The following OLFM1 variants were observed in gnomAD, a reference collection of about 807,000 sequenced individuals.
OLFM1 encodes the protein noelin.
A neutral mutation model predicts 49.7 loss-of-function variants in OLFM1; 9 were observed. The observed-to-expected ratio is 0.18, with a 90% CI of 0.11 to 0.32. The LOEUF (loss-of-function observed/expected upper bound fraction) is 0.32, where lower values mean the gene tolerates loss of function less well. OLFM1 is among the 10% of genes least tolerant of loss of function. The pLI is 1.00. For synonymous variants in OLFM1, 240 were observed against 271.8 expected, an observed-to-expected ratio of 0.88 and a Z score of 1.15; for missense variants, 369 against 661.8, an observed-to-expected ratio of 0.56 and a Z score of 4.85.
chr9:135,095,959 G>C lies in OLFM1; in HGVS notation c.396G>C (p.Leu132=). The change falls in exon 3 of 6, where the codon CTG becomes CTC. Residue 132 remains leucine, a synonymous_variant. Coordinates refer to ENST00000371793, the MANE Select transcript of OLFM1 (RefSeq NM_001282611.2). The part of the protein sequence containing the change: ...VEKMENQMKG[L]ESKFKQVEES... ...AGATGGAGAACCAAATGAAAGGACT[G>C]GAGTCCAAGTTCAAACAGGTGGAGG... The C allele has an allele frequency of 6.2e-7, 1 of 1,600,578 alleles. No individual in the cohort carries two copies. Among genetic ancestry groups the C allele is most frequent in the Non-Finnish European group, 8.5e-7 (1 of 1,175,026 alleles).
intron 1 of OLFM1, among the ~76,000 whole-genome samples, chr9:135,080,000 G>A (rs1232017494): frequency 2.0e-5 from 3 of 152,078 alleles, no homozygotes; most frequent in African/African-American, 4.8e-5. Flanking sequence ...CACTTGGGGA[G>A]TTGTGGGTTG....
Position 135,120,202 on chromosome 9 carries a change from G to C in OLFM1, c.*24G>C. The C allele has an allele frequency of 6.3e-7, 1 of 1,580,148 alleles. No individual in the cohort carries two copies. Among genetic ancestry groups the C allele is most frequent in the Non-Finnish European group, 8.6e-7 (1 of 1,163,000 alleles). On this transcript the variant is annotated 3_prime_UTR_variant, in exon 6 of 6. Coordinates refer to ENST00000371793, the MANE Select transcript of OLFM1 (RefSeq NM_001282611.2). ...AGCTCCCTCCTCCTGGAAGCCAAGG[G>C]CCCACGTCCTCACCACAAAGGGACT...
chr9:135,083,250 C>A (rs1313754378), upstream of OLFM1, among the ~76,000 whole-genome samples: 2 of 152,222 alleles, frequency 1.3e-5, no homozygotes, highest in Non-Finnish European at 2.9e-5. Flanking sequence ...AAGTACCACT[C>A]CCAGAATTGG....
intron 3 of OLFM1, among the ~76,000 whole-genome samples, chr9:135,096,536 G>A (rs1398788594): frequency 6.6e-6 from 1 of 152,258 alleles, no homozygotes; most frequent in African/African-American, 2.4e-5. Context: ...GACAGGGGCG[G>A]CCTGAGTGGT....
In OLFM1 at chr9:135,117,517, C is replaced by T. The variant is rs964527755; in HGVS notation, c.784-1987C>T. On this transcript the variant is annotated intron_variant, in intron 5 of 5. Transcript: ENST00000371793. The surrounding 1 kb of genome is among the most constrained non-coding windows in gnomAD (Gnocchi z 5.5). Reference sequence around the variant, plus strand: ...GGCCCGCCCCGGTGACTTTGAGAGTCGATCCTCACTGCAGACAACAGCTGC... The same window carrying T: ...GGCCCGCCCCGGTGACTTTGAGAGTTGATCCTCACTGCAGACAACAGCTGC... Among the ~76,000 whole-genome samples, 6 of 152,200 alleles carry T rather than the reference C, an allele frequency of 3.9e-5. No individual in the cohort carries two copies. Among genetic ancestry groups the T allele is most frequent in the Admixed American group, 1.3e-4 (2 of 15,290 alleles).
chr9:135,098,185 G>C lies in OLFM1; in HGVS notation c.457-101G>C. The C allele has an allele frequency of 6.7e-7, 1 of 1,493,238 alleles. No individual in the cohort carries two copies. The highest frequency in any genetic ancestry group is 9.0e-7 in the Non-Finnish European group (1 of 1,115,958). 92.5% of individuals were successfully genotyped at this position (1,493,238 alleles called of 1,614,324 possible). ...ACAAATAAGCCTGTAAATAAAGCGG[G>C]AATATACACACTTTCCCTCACCTAG... On this transcript the variant is annotated intron_variant, in intron 3 of 5. Coordinates refer to ENST00000371793, the MANE Select transcript of OLFM1 (RefSeq NM_001282611.2). This position sits in a 1 kb window ranked among gnomAD's most constrained non-coding sequence, Gnocchi z 5.6.
chr9:135,099,506 A>G (rs1830842790), intron 4 of OLFM1, among the ~76,000 whole-genome samples: 1 of 152,230 alleles, frequency 6.6e-6, no homozygotes, highest in Non-Finnish European at 1.5e-5. Flanking sequence ...AATGTTAGTC[A>G]GGTGAAGAGA....
chr9:135,079,129 G>A (rs953687895), intron 1 of OLFM1, among the ~76,000 whole-genome samples: 9 of 152,302 alleles, frequency 5.9e-5, no homozygotes, highest in East Asian at 3.9e-4. Context: ...ACCTGGGGCC[G>A]GCTTGCTTTG....
intron 1 of OLFM1, chr9:135,076,187 G>A: frequency 6.4e-7 from 1 of 1,550,514 alleles, no homozygotes; most frequent in African/African-American, 1.4e-5. Flanking sequence ...TTCAGAGGTG[G>A]CGGGACCTTA....
intron 3 of OLFM1, among the ~76,000 whole-genome samples, chr9:135,097,492 C>T (rs181465906): frequency 4.7e-4 from 71 of 152,302 alleles, no homozygotes; most frequent in African/African-American, 1.7e-3. Context: ...TCTTGGCAAA[C>T]GTTGTTGACA....
chr9:135,112,402 A>G (rs1831035797), intron 5 of OLFM1, among the ~76,000 whole-genome samples: 1 of 152,224 alleles, frequency 6.6e-6, no homozygotes, highest in Non-Finnish European at 1.5e-5. Context: ...GAACCCCAAG[A>G]TTCTTCCAGC....
At chr9:135,097,924 A>G (rs1830821970) in intron 3 of OLFM1, 3 of 1,507,628 alleles carry the variant, frequency 2.0e-6, no homozygotes, top group Admixed American at 4.5e-5. Context: ...TTCACTAAGG[A>G]ACCTTGAATA....
intron 4 of OLFM1, among the ~76,000 whole-genome samples, chr9:135,103,952 G>C (rs796485284): frequency 1.3e-5 from 2 of 152,366 alleles, no homozygotes; most frequent in South Asian, 2.1e-4. Flanking sequence ...GAGACAGAGA[G>C]TGAAGCCTTC....
intron 5 of OLFM1, among the ~76,000 whole-genome samples, chr9:135,119,291 T>TGCTTGCTGGGTCTTTGG (rs1831151497): frequency 7.5e-6 from 1 of 134,152 alleles, no homozygotes; most frequent in African/African-American, 2.9e-5. Flanking sequence ...GTCTTTGGAG[T>TGCTTGCTGGGTCTTTGG]ACTCACTGGG....
At chr9:135,099,981 G>A (rs1015921850) in intron 4 of OLFM1, among the ~76,000 whole-genome samples, 1 of 152,140 alleles carries the variant, frequency 6.6e-6, no homozygotes, top group Non-Finnish European at 1.5e-5. Flanking sequence ...TCTTCGGCTT[G>A]CTACCCATCG....
At position 135,119,732 on chromosome 9, in the gene OLFM1, T is replaced by A; in HGVS notation, c.1012T>A (p.Tyr338Asn). The A allele has an allele frequency of 2.5e-6, 4 of 1,614,136 alleles. No homozygotes were observed. The highest frequency in any genetic ancestry group is 2.5e-6 in the Non-Finnish European group (3 of 1,180,044). ...CATCCTCAAGACCCGCAGCCTGGAC[T>A]ATGCCGGTTACAACAACATGTACCA... is the stretch of plus-strand genomic sequence containing the variant. Reference protein sequence around the residue: ...ETILKTRSLDYAGYNNMYHYA... With the variant: ...ETILKTRSLDNAGYNNMYHYA... The change falls in exon 6 of 6, where the codon TAT (tyrosine) becomes AAT (asparagine). Residue 338 changes from tyrosine (Y) to asparagine (N), a missense_variant. This residue lies in a region of OLFM1 where 294 missense variants were observed against 567.5 expected (regional missense o/e 0.52). Transcript: ENST00000371793.
Position 135,113,380 on chromosome 9 carries a change from C to T in OLFM1, c.784-6124C>T, listed in dbSNP as rs568224369. ...ATGAGCTCCAGCAGGCTCTGAGGGC[C>T]GTGTCTAGCCTACCCAGAACCACCA... On this transcript the variant is annotated intron_variant, in intron 5 of 5. Transcript: ENST00000371793. This position sits in a 1 kb window ranked among gnomAD's most constrained non-coding sequence, Gnocchi z 4.0. 1.3e-5 allele frequency among the ~76,000 whole-genome samples: 2 copies of T among 152,216 alleles called. No homozygotes were observed. Among genetic ancestry groups the T allele is most frequent in the South Asian group, 2.1e-4 (1 of 4,818 alleles).
intron 4 of OLFM1, 74 bp from the exon 5 acceptor site, chr9:135,106,675 C>A (rs1830948107): frequency 2.7e-6 from 3 of 1,107,098 alleles, no homozygotes; most frequent in Admixed American, 3.9e-5. Context: ...GTGCTCTGGG[C>A]AGTCGAGGTC....
chr9:135,091,719 A>ACACACAGTCACACTCACACATAGT (rs1588208352), intron 2 of OLFM1, among the ~76,000 whole-genome samples: 3 of 150,264 alleles, frequency 2.0e-5, no homozygotes, highest in East Asian at 2.0e-4. Context: ...ACACATAGTC[A>ACACACAGTCACACTCACACATAGT]CACACTCATA....
Sources: gnomAD v4.1 joint callset for allele counts (sites outside exome capture counted in the v4.1 genomes callset) on GRCh38, gnomAD v4.1.1 for gene constraint, gnomAD v4.1.1 regional missense constraint, Gnocchi (gnomAD v3.1) non-coding constraint, MANE v1.5 for transcripts, NCBI Gene and HGNC (gene_info 2026-07-23, HGNC 2026-07-21) for gene names.